NIT1: variants seen among roughly 807,000 people sequenced by gnomAD.
The protein encoded by NIT1 is deaminated glutathione amidase.
Under a neutral mutation model 36.8 loss-of-function variants are expected in NIT1, and 30 were observed. The ratio of observed to expected loss-of-function variants is 0.82; its 90% CI spans 0.61 to 1.11. The LOEUF is 1.11. NIT1 is among the 50% of genes least tolerant of loss of function. NIT1 has a pLI of 0.00. For missense variants in NIT1, 438 were observed against 410.6 expected (o/e 1.07, Z -0.58); for synonymous variants, 151 against 155.6 (o/e 0.97, Z 0.22).
chr1:161,120,010 G>A (rs1322480220), intron 5 of NIT1, 58 bp downstream of exon 5: 7 of 1,605,556 alleles, frequency 4.4e-6, no homozygotes, highest in South Asian at 1.1e-5. Context: ...TGGCAGTAGA[G>A]GATAGAAAGC....
chr1:161,121,023 G>A lies in NIT1; in HGVS notation c.*258G>A, dbSNP rs1655431570. The A allele has an allele frequency of 7.3e-7, 1 of 1,363,336 alleles. No homozygotes were observed. Among genetic ancestry groups the A allele is most frequent in the Middle Eastern group, 2.8e-4 (1 of 3,600 alleles). 84.5% of individuals were successfully genotyped at this position (1,363,336 alleles called of 1,614,324 possible). On this transcript the variant is annotated 3_prime_UTR_variant, in exon 7 of 7. Coordinates refer to ENST00000368009, the MANE Select transcript of NIT1 (RefSeq NM_005600.3). ...TTCATGGAAACTGAAGTTCTGCTGA[G>A]GGCTGAGCAGCACTGGCATTGAAAA...
downstream of NIT1, chr1:161,123,752 C>G (rs1655831896): frequency 8.2e-7 from 1 of 1,214,204 alleles, no homozygotes; most frequent in Non-Finnish European, 1.2e-6. Flanking sequence ...AGCATCCTTT[C>G]ATTTAAGCTG....
downstream of NIT1, chr1:161,122,918 G>A: frequency 7.4e-7 from 1 of 1,355,412 alleles, no homozygotes; most frequent in South Asian, 1.2e-5. The surrounding 1 kb of genome is among the most constrained non-coding windows in gnomAD (Gnocchi z 4.2). Context: ...ATCATAAAGA[G>A]CAGTTCTTCC....
chr1:161,124,291 G>T, downstream of NIT1: 1 of 1,614,208 alleles, frequency 6.2e-7, no homozygotes, highest in East Asian at 2.2e-5. Flanking sequence ...ATGAGTCCAC[G>T]CTCGTGGTCA....
At chr1:161,122,526 G>A (rs181138903), downstream of NIT1, 355 of 1,612,638 alleles carry the variant, frequency 2.2e-4, 2 homozygotes, top group East Asian at 7.7e-3. The surrounding 1 kb of genome is among the most constrained non-coding windows in gnomAD (Gnocchi z 4.2). Flanking sequence ...TCTGATGTCT[G>A]TTGGAAACAG....
downstream of NIT1, chr1:161,124,378 T>C (rs1290517346): frequency 1.9e-6 from 3 of 1,614,128 alleles, no homozygotes; most frequent in African/African-American, 1.3e-5. Flanking sequence ...ATGTCAAACA[T>C]GCGGTGCAGG....
downstream of NIT1, chr1:161,123,964 A>G (rs1340682815): frequency 6.2e-7 from 1 of 1,612,078 alleles, no homozygotes; most frequent in Non-Finnish European, 8.5e-7. Flanking sequence ...AGGAGAAGTA[A>G]TCATTCAGGA....
chr1:161,120,915 T>G lies in NIT1; in HGVS notation c.*150T>G. Reference sequence around the variant, plus strand: ...CTTGATGGAACACAGATGGGCTGCTTGGGAAAGAAACTTTCACCTGAGCTT... The same window carrying G: ...CTTGATGGAACACAGATGGGCTGCTGGGGAAAGAAACTTTCACCTGAGCTT... On this transcript the variant is annotated 3_prime_UTR_variant, in exon 7 of 7. Transcript: ENST00000368009. 7.0e-7 allele frequency: 1 copy of G among 1,430,652 alleles called. No individual in the cohort carries two copies. The highest frequency in any genetic ancestry group is 9.1e-7 in the Non-Finnish European group (1 of 1,096,286). The allele number at this position is 1,430,652 out of a possible 1,614,324, so 88.6% of individuals were successfully genotyped here.
intron 1 of NIT1, chr1:161,118,413 A>G: frequency 6.5e-7 from 1 of 1,533,518 alleles, no homozygotes; most frequent in South Asian, 1.2e-5. Context: ...TTCTGGTGAA[A>G]GGGGAAATAT....
rs765742286 is a variant in NIT1, at chr1:161,120,726, G to T, written c.945G>T (p.Arg315Ser). 3.4e-5 allele frequency: 55 copies of T among 1,613,696 alleles called. No homozygotes were observed. The highest frequency in any genetic ancestry group is 4.6e-5 in the Non-Finnish European group (54 of 1,180,052). ...RRHLPVFQHRRPDLYGNLGHP... is the reference protein window; with the variant it reads ...RRHLPVFQHRSPDLYGNLGHP... ...ACCTGCCTGTGTTCCAGCACCGCAG[G>T]CCTGACCTCTATGGCAATCTGGGTC... The change falls in exon 7 of 7, where the codon AGG (arginine) becomes AGT (serine). Residue 315 changes from arginine (R) to serine (S), a missense_variant. Physicochemically the swap from Arg to Ser is moderately radical, Grantham distance 110. Coordinates refer to ENST00000368009, the MANE Select transcript of NIT1 (RefSeq NM_005600.3).
At chr1:161,122,916 GAGC>G, downstream of NIT1, 1 of 1,343,238 alleles carries the variant, frequency 7.4e-7, no homozygotes, top group Non-Finnish European at 1.1e-6. This position sits in a 1 kb window ranked among gnomAD's most constrained non-coding sequence, Gnocchi z 4.2. Context: ...CAATCATAAA[GAGC>G]AGTTCTTCCA....
chr1:161,118,120 T>C lies in NIT1; in HGVS notation c.-57T>C. 1 of 1,613,720 alleles carries C rather than the reference T, an allele frequency of 6.2e-7. No individual in the cohort carries two copies. Among genetic ancestry groups the C allele is most frequent in the Non-Finnish European group, 8.5e-7 (1 of 1,179,856 alleles). ...GTTACCGCCCACTCGCTGCGGCGCT[T>C]CTGGCTCCAGACCGCCCTCCGGATC... On this transcript the variant is annotated 5_prime_UTR_variant, in exon 1 of 7. Coordinates refer to ENST00000368009, the MANE Select transcript of NIT1 (RefSeq NM_005600.3).
At chr1:161,122,543 C>T (rs762818001), downstream of NIT1, 8 of 1,609,588 alleles carry the variant, frequency 5.0e-6, no homozygotes, top group South Asian at 1.1e-5. The surrounding 1 kb of genome is among the most constrained non-coding windows in gnomAD (Gnocchi z 4.2). Flanking sequence ...ACAGAAGATA[C>T]AGAGCAGAAG....
downstream of NIT1, chr1:161,122,484 T>G (rs556840173): frequency 1.2e-6 from 2 of 1,614,180 alleles, no homozygotes; most frequent in Non-Finnish European, 1.7e-6. This position sits in a 1 kb window ranked among gnomAD's most constrained non-coding sequence, Gnocchi z 4.2. Context: ...CAGAGCAGTC[T>G]CATGCTGGCA....
Position 161,119,156 on chromosome 1 carries a change from T to C in NIT1, c.121T>C (p.Ser41Pro). Reference protein sequence around the residue: ...QPRPRAMAISSSSCELPLVAV... With the variant: ...QPRPRAMAISPSSCELPLVAV... ...CAGGCCCAGAGCCATGGCTATCTCCTCTTCCTCCTGCGAACTGCCCCTGGT... is the reference window on the plus strand; with the variant it reads ...CAGGCCCAGAGCCATGGCTATCTCCCCTTCCTCCTGCGAACTGCCCCTGGT... The change falls in exon 3 of 7, where the codon TCT (serine) becomes CCT (proline). Residue 41 changes from serine to proline, a missense_variant. Physicochemically the swap from Ser to Pro is moderately conservative, Grantham distance 74. Transcript: ENST00000368009. 6.2e-7 allele frequency: 1 copy of C among 1,613,974 alleles called. No homozygotes were observed. Among genetic ancestry groups the C allele is most frequent in the Non-Finnish European group, 8.5e-7 (1 of 1,180,034 alleles).
Position 161,118,807 on chromosome 1 carries a change from T to TC in NIT1, c.26dup (p.His10SerfsTer56). On this transcript the variant is annotated frameshift_variant, in exon 2 of 7. Transcript: ENST00000368009. LOFTEE classifies it high-confidence loss of function. Reference sequence around the variant, plus strand: ...TCAGGCTGGGCTTCATCACCAGGCCTCCTCACAGATTCCTGTCCCTTCTGT... The same window carrying TC: ...TCAGGCTGGGCTTCATCACCAGGCCTCCCTCACAGATTCCTGTCCCTTCTGT... 6.2e-7 allele frequency: 1 copy of TC among 1,613,888 alleles called. No individual in the cohort carries two copies. The highest frequency in any genetic ancestry group is 8.5e-7 in the Non-Finnish European group (1 of 1,179,780).
Position 161,119,817 on chromosome 1 carries a change from A to AG in NIT1, c.460dup. The AG allele has an allele frequency of 6.3e-7, 1 of 1,595,238 alleles. No individual in the cohort carries two copies. The highest frequency in any genetic ancestry group is 8.5e-7 in the Non-Finnish European group (1 of 1,172,318). ...ACTGATATTCCTTCTTTCTTACTGT[A>AG]GGGGCAGTAGTGGCCACTTACAGGA... On this transcript the variant is annotated splice_acceptor_variant, in intron 4 of 6. Transcript: ENST00000368009. LOFTEE classifies it high-confidence loss of function.
At chr1:161,123,726 CA>C (rs1655828179), downstream of NIT1, 1 of 900,384 alleles carries the variant, frequency 1.1e-6, no homozygotes, top group African/African-American at 1.7e-5. Flanking sequence ...TTTTATGGGG[CA>C]AGATGTGGGC....
intron 6 of NIT1, 99 bp from the exon 7 acceptor site, chr1:161,120,400 A>G: frequency 1.4e-6 from 2 of 1,472,790 alleles, no homozygotes; most frequent in East Asian, 2.3e-5. Flanking sequence ...GCAATTACCA[A>G]AATAGTCACA....
Sources: gnomAD v4.1 joint callset for allele counts on GRCh38, gnomAD v4.1.1 for gene constraint, Gnocchi (gnomAD v3.1) non-coding constraint, MANE v1.5 for transcripts, NCBI Gene and HGNC (gene_info 2026-07-23, HGNC 2026-07-21) for gene names.